The following UNC13C variants were observed in gnomAD, a reference collection of about 807,000 sequenced individuals.
The protein encoded by UNC13C is protein unc-13 homolog C.
Under a neutral mutation model 245.4 loss-of-function variants are expected in UNC13C, and 174 were observed. That is an observed-to-expected ratio of 0.71 (90% CI 0.63 to 0.80). UNC13C has a LOEUF of 0.80. UNC13C is among the 30% of genes least tolerant of loss of function. UNC13C has a pLI of 0.00. For missense variants in UNC13C, 2,829 were observed against 2,602.9 expected (o/e 1.09, Z -1.89); for synonymous variants, 992 against 895.1 (o/e 1.11, Z -1.93).
chr15:54,224,710 G>T (rs1649078183), intron 4 of UNC13C, among the ~76,000 whole-genome samples: 1 of 152,046 alleles, frequency 6.6e-6, no homozygotes, highest in Non-Finnish European at 1.5e-5. Flanking sequence ...AGAGTAGTTA[G>T]AATAAGATTG....
chr15:54,130,702 A>G (rs2031364502), intron 2 of UNC13C, among the ~76,000 whole-genome samples: 1 of 152,190 alleles, frequency 6.6e-6, no homozygotes, highest in Admixed American at 6.5e-5. Flanking sequence ...TCCTATCTTC[A>G]TAGGCAAATC....
In UNC13C at chr15:54,297,904, T is replaced by C. The variant is rs1479155865; in HGVS notation, c.4082T>C (p.Ile1361Thr). The change falls in exon 12 of 33, where the codon ATT becomes ACT. Residue 1361 changes from isoleucine (I) to threonine (T), a missense_variant. Physicochemically the swap from Ile to Thr is moderately conservative, Grantham distance 89. Transcript: ENST00000260323. ...GAAGAGAAGGTTGCTCCATATCATA[T>C]TCAATATACATGTTTACATGAGGTA... ...KGEEKVAPYH[I>T]QYTCLHENLF... 1.9e-6 allele frequency: 3 copies of C among 1,599,008 alleles called. No individual in the cohort carries two copies. Among genetic ancestry groups the C allele is most frequent in the Admixed American group, 1.7e-5 (1 of 58,666 alleles).
intron 2 of UNC13C, among the ~76,000 whole-genome samples, chr15:54,024,639 C>G (rs989999980): frequency 6.6e-6 from 1 of 152,136 alleles, no homozygotes; most frequent in African/African-American, 2.4e-5. Context: ...GCTATGAATG[C>G]CGGGCGCGGT....
chr15:54,303,518 A>T (rs993102548), intron 13 of UNC13C, among the ~76,000 whole-genome samples: 2 of 152,178 alleles, frequency 1.3e-5, no homozygotes, highest in African/African-American at 4.8e-5. Context: ...AATGGTAAGT[A>T]TGTATCACAT....
the UNC13C span, among the ~76,000 whole-genome samples, chr15:53,866,443 G>T: frequency 1.3e-5 from 2 of 152,134 alleles, no homozygotes; most frequent in Non-Finnish European, 2.9e-5. Flanking sequence ...TTTACTCAGA[G>T]AATAAAGAGA....
At chr15:54,457,139 A>G (rs971067093) in intron 19 of UNC13C, among the ~76,000 whole-genome samples, 12 of 152,204 alleles carry the variant, frequency 7.9e-5, no homozygotes, top group African/African-American at 2.2e-4. Context: ...AGATGATCAT[A>G]TGATTATTGT....
chr15:54,601,006 A>AC (rs1486388959), intron 30 of UNC13C, among the ~76,000 whole-genome samples: 2 of 150,806 alleles, frequency 1.3e-5, no homozygotes, highest in Admixed American at 6.6e-5. Context: ...ATTGCAAAAA[A>AC]AAAATCATTG....
At chr15:53,936,719 G>C in the UNC13C span, among the ~76,000 whole-genome samples, 82 of 152,336 alleles carry the variant, frequency 5.4e-4, no homozygotes, top group African/African-American at 1.9e-3. Context: ...GATAGCTCCA[G>C]ATGTGGGAGG....
chr15:54,024,197 C>T (rs906968103), intron 2 of UNC13C, among the ~76,000 whole-genome samples: 2 of 152,150 alleles, frequency 1.3e-5, no homozygotes, highest in East Asian at 1.9e-4. Context: ...GGAGAGTACA[C>T]GTCAGACCAC....
At chr15:54,060,361 GA>G (rs1357330270) in intron 2 of UNC13C, among the ~76,000 whole-genome samples, 3 of 152,072 alleles carry the variant, frequency 2.0e-5, no homozygotes, top group Non-Finnish European at 2.9e-5. Flanking sequence ...ACAGACACAT[GA>G]AAAAATGCTC....
At chr15:54,441,470 G>T (rs1268464333) in intron 19 of UNC13C, among the ~76,000 whole-genome samples, 4 of 151,906 alleles carry the variant, frequency 2.6e-5, no homozygotes, top group Admixed American at 6.6e-5. Context: ...GAGGGAATCA[G>T]TAGGCACCCT....
chr15:54,623,093 C>T (rs1055955308), intron 31 of UNC13C, among the ~76,000 whole-genome samples: 3 of 152,064 alleles, frequency 2.0e-5, no homozygotes, highest in South Asian at 2.1e-4. Flanking sequence ...ATGTTGCCAA[C>T]GTGTGAAAGT....
rs539935285 is a variant in UNC13C at position 54,151,395 on chromosome 15, A to T, written c.3071+7711A>T. ...ACCTCCAATTTTACTCATTATATGA[A>T]AACTACTCTTTTATTCCTTTTTTTT... On this transcript the variant is annotated intron_variant, in intron 4 of 32. Coordinates refer to ENST00000260323, the MANE Select transcript of UNC13C (RefSeq NM_001080534.3). Among the ~76,000 whole-genome samples, 4 of 152,254 alleles carry T rather than the reference A, an allele frequency of 2.6e-5. No individual in the cohort carries two copies. The East Asian group carries it at 7.7e-4, about 29-fold the overall frequency.
chr15:54,286,541 T>G (rs1026563809), intron 10 of UNC13C, among the ~76,000 whole-genome samples: 1 of 152,180 alleles, frequency 6.6e-6, no homozygotes, highest in Non-Finnish European at 1.5e-5. Context: ...ATGAAAGCCA[T>G]GAGCGTTTCT....
At chr15:54,202,029 C>A (rs2034540219) in intron 4 of UNC13C, among the ~76,000 whole-genome samples, 1 of 151,746 alleles carries the variant, frequency 6.6e-6, no homozygotes, top group Non-Finnish European at 1.5e-5. Flanking sequence ...AATGAGCAAG[C>A]TGAGAATCAA....
the UNC13C span, among the ~76,000 whole-genome samples, chr15:53,873,403 C>A: frequency 6.6e-6 from 1 of 152,092 alleles, no homozygotes; most frequent in African/African-American, 2.4e-5. Flanking sequence ...CGCAAGATCG[C>A]TCAACTTGCC....
At chr15:54,216,143 T>G (rs191169289) in intron 4 of UNC13C, among the ~76,000 whole-genome samples, 121 of 152,056 alleles carry the variant, frequency 8.0e-4, no homozygotes, top group African/African-American at 2.8e-3. Context: ...TCTTGGATAC[T>G]AGAGGCAAAG....
At chr15:54,622,481 C>A in intron 31 of UNC13C, 62 bp downstream of exon 31, 1 of 1,220,642 alleles carries the variant, frequency 8.2e-7, no homozygotes, top group Non-Finnish European at 1.2e-6. Context: ...GTACTGATAT[C>A]AGCAATGTAA....
chr15:53,861,434 A>T, the UNC13C span, among the ~76,000 whole-genome samples: 1 of 146,772 alleles, frequency 6.8e-6, no homozygotes, highest in East Asian at 2.0e-4. Flanking sequence ...GCGTGTTGTT[A>T]TTTTTGTTTT....
Sources: allele counts gnomAD v4.1 joint callset (sites outside exome capture counted in the v4.1 genomes callset), GRCh38; gene constraint gnomAD v4.1.1; transcripts MANE v1.5; gene names NCBI Gene and HGNC (gene_info 2026-07-23, HGNC 2026-07-21).